GPI: variants seen among roughly 807,000 people sequenced by gnomAD.
GPI encodes D-hexose-6-phosphate anomerase.
A neutral mutation model predicts 75.8 loss-of-function variants in GPI; 56 were observed. That is an observed-to-expected ratio of 0.74 (90% CI 0.60 to 0.92). The LOEUF (loss-of-function observed/expected upper bound fraction) is 0.92. Among genes scored for constraint, GPI ranks in the 40% least tolerant of loss-of-function variants. The probability of loss-of-function intolerance (pLI) is 0.00; values close to 1 mark genes in which losing one functional copy is unlikely to be tolerated. For missense variants in GPI, 638 were observed against 741.0 expected (o/e 0.86, Z 1.61); for synonymous variants, 288 against 285.4 (o/e 1.01, Z -0.09).
chr19:34,366,154 C>T (rs758746194), intron 1 of GPI, 191 bp from the exon 2 acceptor site: 1 of 699,042 alleles, frequency 1.4e-6, no homozygotes. Flanking sequence ...TGGCTTCTTT[C>T]TCTGGGCTGC....
chr19:34,379,185 T>G (rs2074601271), intron 7 of GPI, among the ~76,000 whole-genome samples, 180 bp downstream of exon 7: 1 of 152,248 alleles, frequency 6.6e-6, no homozygotes, highest in Non-Finnish European at 1.5e-5. Context: ...GACCCAGCCT[T>G]GCAGATGTGA....
intron 1 of GPI, chr19:34,365,810 G>A (rs181636726): frequency 1.3e-5 from 6 of 470,538 alleles, no homozygotes; most frequent in Non-Finnish European, 2.1e-5. Flanking sequence ...CGGGCAGCCC[G>A]GGCGGGGGTG....
intron 4 of GPI, among the ~76,000 whole-genome samples, chr19:34,370,062 G>A (rs1180648292): frequency 1.3e-5 from 2 of 152,210 alleles, no homozygotes; most frequent in Non-Finnish European, 2.9e-5. Context: ...CTGCTCCTCT[G>A]AAGCTTATTT....
intron 1 of GPI, chr19:34,365,818 G>T (rs566088142): frequency 2.1e-6 from 1 of 472,572 alleles, no homozygotes; most frequent in Admixed American, 2.3e-5. Context: ...CCGGGCGGGG[G>T]TGTTTGAGGG....
At chr19:34,365,546 G>C in intron 1 of GPI, 158 bp downstream of exon 1, 1 of 1,230,196 alleles carries the variant, frequency 8.1e-7, no homozygotes, top group Non-Finnish European at 1.1e-6. Context: ...CTTCGTCCTT[G>C]GAGTCTCCTT....
intron 9 of GPI, chr19:34,392,965 G>C: frequency 2.0e-6 from 1 of 487,860 alleles, no homozygotes; most frequent in East Asian, 4.0e-5. Context: ...ACAGGTATGA[G>C]GTCCTGGGTC....
upstream of GPI, chr19:34,365,180 C>G (rs1294486963): frequency 2.3e-6 from 3 of 1,289,300 alleles, no homozygotes; most frequent in East Asian, 9.7e-5. Flanking sequence ...AAGGCCGCCG[C>G]GCGCCCACGC....
At chr19:34,368,495 G>C (rs2074399497) in intron 3 of GPI, 88 bp from the exon 4 acceptor site, 8 of 1,460,344 alleles carry the variant, frequency 5.5e-6, no homozygotes, top group Non-Finnish European at 6.7e-6. Flanking sequence ...AGTGGATAGA[G>C]GGCCGAGCTA....
In GPI at chr19:34,366,784, C is replaced by G; in HGVS notation, c.215C>G (p.Ala72Gly). Residue 72 changes from alanine to glycine, a missense_variant and splice_region_variant, in exon 3 of 18, where the codon GCC (alanine) becomes GGC (glycine). Physicochemically the swap from Ala to Gly is moderately conservative, Grantham distance 60 (BLOSUM62 0). Coordinates refer to ENST00000356487, the MANE Select transcript of GPI (RefSeq NM_000175.5). ...EDVMRMLVDL[A>G]KSRGVEAARE... ...GGCCTCAGTATCGTCTCTTCCTAGG[C>G]CAAGTCCAGGGGCGTGGAGGCCGCC... 1 of 1,612,076 alleles carries G rather than the reference C, an allele frequency of 6.2e-7. No individual in the cohort carries two copies. Among genetic ancestry groups the G allele is most frequent in the African/African-American group, 1.3e-5 (1 of 74,972 alleles).
intron 4 of GPI, among the ~76,000 whole-genome samples, chr19:34,371,655 C>T (rs895072991): frequency 4.6e-5 from 7 of 151,638 alleles, no homozygotes; most frequent in Non-Finnish European, 8.8e-5. Context: ...TCAAGACAAG[C>T]CTGGCCAACA....
At chr19:34,399,439 TG>T in intron 15 of GPI, 104 bp downstream of exon 15, 2 of 1,569,746 alleles carry the variant, frequency 1.3e-6, no homozygotes, top group Non-Finnish European at 1.8e-6. Flanking sequence ...TCCTACAGAA[TG>T]GGAGGGCCTG....
chr19:34,365,516 GGGC>G, intron 1 of GPI, 128 bp downstream of exon 1: 1 of 1,418,786 alleles, frequency 7.0e-7, no homozygotes, highest in South Asian at 1.2e-5. Flanking sequence ...CCACGGACTG[GGGC>G]CCAGGCCGAG....
upstream of GPI, chr19:34,364,881 G>A (rs963965031): frequency 8.5e-7 from 1 of 1,170,628 alleles, no homozygotes; most frequent in Non-Finnish European, 1.2e-6. Flanking sequence ...GAATGAAGCC[G>A]ACTAGTGCAC....
intron 4 of GPI, among the ~76,000 whole-genome samples, chr19:34,374,427 T>C (rs2074502525): frequency 6.6e-6 from 1 of 152,194 alleles, no homozygotes; most frequent in African/African-American, 2.4e-5. Flanking sequence ...ATAGTCCCGC[T>C]TCTGGCGCCT....
upstream of GPI, chr19:34,364,844 C>A (rs2074329168): frequency 1.3e-6 from 1 of 764,046 alleles, no homozygotes; most frequent in South Asian, 2.1e-5. Context: ...GGAAGGTGTT[C>A]GATCTATAGA....
upstream of GPI, among the ~76,000 whole-genome samples, chr19:34,360,813 T>C (rs1480309173): frequency 1.3e-5 from 2 of 152,196 alleles, no homozygotes; most frequent in South Asian, 2.1e-4. Flanking sequence ...GGTGTCACTC[T>C]GTGACCCAGG....
At position 34,393,668 on chromosome 19, in the gene GPI, C is replaced by A; in HGVS notation, c.866-60C>A. 2.0e-6 allele frequency: 3 copies of A among 1,507,044 alleles called. No individual in the cohort carries two copies. The highest frequency in any genetic ancestry group is 2.8e-6 in the Non-Finnish European group (3 of 1,083,108). 93.4% of individuals were successfully genotyped at this position (1,507,044 alleles called of 1,614,324 possible). A position where few individuals can be genotyped will look rare whatever the true frequency, so the allele number is the denominator to read the frequency against. On this transcript the variant is annotated intron_variant, in intron 10 of 17. Transcript: ENST00000356487. This position sits in a 1 kb window ranked among gnomAD's most constrained non-coding sequence, Gnocchi z 4.4. ...TTCCTTCGTTGCAGAAGGAGCTGTG[C>A]CCACTGCCCACAGGACGCAGGGTGT...
At chr19:34,386,140 G>A (rs2074731442) in intron 9 of GPI, among the ~76,000 whole-genome samples, 1 of 151,916 alleles carries the variant, frequency 6.6e-6, no homozygotes, top group Non-Finnish European at 1.5e-5. Flanking sequence ...TAGGTAGTCT[G>A]GGTCACTAGG....
chr19:34,365,383 C>T lies in GPI; in HGVS notation c.117C>T (p.His39=). The T allele has an allele frequency of 6.3e-7, 1 of 1,582,360 alleles. No homozygotes were observed. Among genetic ancestry groups the T allele is most frequent in the Admixed American group, 1.7e-5 (1 of 57,558 alleles). The change falls in exon 1 of 18, where the codon CAC becomes CAT. Residue 39 remains histidine (H), a synonymous_variant. Transcript: ENST00000356487. ...LFDANKDRFN[H]FSLTLNTNHG... is the part of the protein sequence containing the mutation. Reference sequence around the variant, plus strand: ...ATGCCAACAAGGACCGCTTCAACCACTTCAGGTGCGGGCGGGCCGGAGGCG... The same window carrying T: ...ATGCCAACAAGGACCGCTTCAACCATTTCAGGTGCGGGCGGGCCGGAGGCG...
Sources: gnomAD v4.1 joint callset for allele counts (sites outside exome capture counted in the v4.1 genomes callset) on GRCh38, gnomAD v4.1.1 for gene constraint, Gnocchi (gnomAD v3.1) non-coding constraint, MANE v1.5 for transcripts, NCBI Gene and HGNC (gene_info 2026-07-23, HGNC 2026-07-21) for gene names.